Variants in ARHGEF4 observed in about 807,000 individuals in gnomAD.
The protein encoded by ARHGEF4 is APC-stimulated guanine nucleotide exchange factor 1.
ARHGEF4 carries 119 observed loss-of-function variants against 162.0 expected under a neutral mutation model. The observed-to-expected ratio is 0.73, with a 90% CI of 0.63 to 0.86. The LOEUF (loss-of-function observed/expected upper bound fraction) is 0.86. Among genes scored for constraint, ARHGEF4 ranks in the 40% least tolerant of loss-of-function variants. The pLI is 0.00. For synonymous variants in ARHGEF4, 1,014 were observed against 979.9 expected, an observed-to-expected ratio of 1.03 and a Z score of -0.65; for missense variants, 2,488 against 2,456.0, an observed-to-expected ratio of 1.01 and a Z score of -0.28.
At chr2:130,887,654 AAAC>A (rs1238732649) in intron 1 of ARHGEF4, among the ~76,000 whole-genome samples, 2 of 152,092 alleles carry the variant, frequency 1.3e-5, no homozygotes, top group South Asian at 4.1e-4. Context: ...TGGTTTCTGA[AAAC>A]AACAACAAAA....
At chr2:131,032,836 C>CTTTTCTTTTCTTTTCTT (rs1379351059) in intron 5 of ARHGEF4, among the ~76,000 whole-genome samples, 2 of 142,592 alleles carry the variant, frequency 1.4e-5, no homozygotes, top group African/African-American at 2.9e-5. Context: ...CTTTTCTTTT[C>CTTTTCTTTTCTTTTCTT]TTTTCTTTTT....
At chr2:131,001,875 T>A (rs1269862274) in intron 4 of ARHGEF4, among the ~76,000 whole-genome samples, 1 of 150,890 alleles carries the variant, frequency 6.6e-6, no homozygotes, top group African/African-American at 2.4e-5. Flanking sequence ...CAGAACAATT[T>A]AAGCACAGAG....
chr2:131,041,155 C>A lies in ARHGEF4; in HGVS notation c.4663-75C>A. 4.2e-6 allele frequency: 6 copies of A among 1,412,504 alleles called. No individual in the cohort carries two copies. The South Asian group carries it at 7.7e-5, about 18-fold the overall frequency. 87.5% of individuals were successfully genotyped at this position (1,412,504 alleles called of 1,614,324 possible). A position where few individuals can be genotyped will look rare whatever the true frequency, so the allele number is the denominator to read the frequency against. Reference sequence around the variant, plus strand: ...CCTGAAGGAAATGTAGAGGCTCTTGCCCTTCCCACACATGCAGCTGGATTG... The same window carrying A: ...CCTGAAGGAAATGTAGAGGCTCTTGACCTTCCCACACATGCAGCTGGATTG... On this transcript the variant is annotated intron_variant, in intron 8 of 13. Coordinates refer to ENST00000409359, the MANE Select transcript of ARHGEF4 (RefSeq NM_001367493.1).
chr2:131,014,537 A>C (rs886991421), intron 4 of ARHGEF4, among the ~76,000 whole-genome samples: 2 of 152,204 alleles, frequency 1.3e-5, no homozygotes, highest in Non-Finnish European at 2.9e-5. Flanking sequence ...TGAGCCCTCC[A>C]ATCCATGAAC....
intron 5 of ARHGEF4, among the ~76,000 whole-genome samples, chr2:131,030,612 G>T (rs1007060118): frequency 4.6e-5 from 7 of 152,240 alleles, no homozygotes; most frequent in Non-Finnish European, 8.8e-5. Context: ...TCCTGTCCCA[G>T]ATGGCATCCA....
In ARHGEF4 at chr2:130,915,787, G is replaced by A. The variant is rs986148048; in HGVS notation, c.1841G>A (p.Arg614Gln). 6 of 1,524,206 alleles carry A rather than the reference G, an allele frequency of 3.9e-6. No individual in the cohort carries two copies. In the African/African-American group the frequency reaches 8.3e-5, roughly 21 times the overall value. 94.4% of individuals were successfully genotyped at this position (1,524,206 alleles called of 1,614,324 possible). A position where few individuals can be genotyped will look rare whatever the true frequency, so the allele number is the denominator to read the frequency against. The change falls in exon 2 of 14, where the codon CGG (arginine) becomes CAG (glutamine). Residue 614 changes from arginine to glutamine, a missense_variant. Arg to Gln is a conservative substitution (Grantham distance 43). Transcript: ENST00000409359. ...CAGGGGCCTGGGGGTGCCGGGGGCC[G>A]GCAGCTGGAGCCCAAAGCAGGCGGC... ...GEQGPGGAGG[R>Q]QLEPKAGGEA... is the part of the protein sequence containing the mutation.
At chr2:130,992,541 C>T (rs1687096247) in intron 4 of ARHGEF4, among the ~76,000 whole-genome samples, 1 of 151,980 alleles carries the variant, frequency 6.6e-6, no homozygotes, top group African/African-American at 2.4e-5. Flanking sequence ...AGACCACGAA[C>T]CGGGCGGGAA....
intron 1 of ARHGEF4, among the ~76,000 whole-genome samples, chr2:130,913,145 A>G (rs1033774064): frequency 6.6e-6 from 1 of 152,104 alleles, no homozygotes; most frequent in African/African-American, 2.4e-5. Context: ...TAATTTGTTT[A>G]TCTGAAACTC....
chr2:130,938,791 A>G (rs1683113685), intron 3 of ARHGEF4, among the ~76,000 whole-genome samples: 1 of 152,162 alleles, frequency 6.6e-6, no homozygotes, highest in South Asian at 2.1e-4. Context: ...TGCTTTTGGC[A>G]TCATGTCTAA....
chr2:131,046,788 T>C lies in ARHGEF4; in HGVS notation c.*599T>C, dbSNP rs1477433699. On this transcript the variant is annotated 3_prime_UTR_variant, in exon 14 of 14. Coordinates refer to ENST00000409359, the MANE Select transcript of ARHGEF4 (RefSeq NM_001367493.1). ...ACACCGCTGGCTGCTGGACACCCTC[T>C]TCACTTGTGTGTGTGTGTGTAGCGG... is the stretch of plus-strand genomic sequence containing the variant. 6.5e-6 allele frequency: 1 copy of C among 152,838 alleles called. No individual in the cohort carries two copies. The highest frequency in any genetic ancestry group is 1.5e-5 in the Non-Finnish European group (1 of 68,404). The allele number at this position is 152,838 out of a possible 1,614,324, so 9.5% of individuals were successfully genotyped here.
intron 1 of ARHGEF4, among the ~76,000 whole-genome samples, chr2:130,851,583 G>A (rs1229007544): frequency 1.3e-5 from 2 of 152,250 alleles, no homozygotes; most frequent in African/African-American, 4.8e-5. Context: ...AGGGTGGAGT[G>A]GACGGGCTGG....
Position 130,962,810 on chromosome 2 carries a change from G to A in ARHGEF4, c.3985+16175G>A, listed in dbSNP as rs563409486. Among the ~76,000 whole-genome samples the A allele has an allele frequency of 3.9e-5, 6 of 152,106 alleles. No homozygotes were observed. In the South Asian group the frequency reaches 6.2e-4, roughly 16 times the overall value. ...ATGATAATGCTGTGTACATGGGGTC[G>A]GGGCGGGGAGGGGGGCAGTAAGGGG... On this transcript the variant is annotated intron_variant, in intron 4 of 13. Coordinates refer to ENST00000409359, the MANE Select transcript of ARHGEF4 (RefSeq NM_001367493.1).
chr2:130,977,603 G>A (rs1359352551), intron 4 of ARHGEF4, among the ~76,000 whole-genome samples: 2 of 152,004 alleles, frequency 1.3e-5, no homozygotes, highest in Admixed American at 6.6e-5. Flanking sequence ...TGGTGCATAT[G>A]CGTTGCATAT....
intron 4 of ARHGEF4, among the ~76,000 whole-genome samples, chr2:130,966,699 G>T (rs559752744): frequency 2.0e-5 from 3 of 152,274 alleles, no homozygotes; most frequent in Admixed American, 6.5e-5. Flanking sequence ...GAATAGTCCT[G>T]ACTGCTCACA....
Position 131,012,098 on chromosome 2 carries a change from AGGAC to A in ARHGEF4, c.3986-15845_3986-15842del, listed in dbSNP as rs542721941. Among the ~76,000 whole-genome samples the A allele has an allele frequency of 1.2e-3, 178 of 152,292 alleles. 1 individual carries two copies. Among genetic ancestry groups the A allele is most frequent in the African/African-American group, 4.0e-3 (166 of 41,566 alleles). Reference sequence around the variant, plus strand: ...AATGCAGTTGTCTGCTACTGAGATCAGGACGCCTGTGGCTGAGCAGTTTTGGGTG... The same window carrying A: ...AATGCAGTTGTCTGCTACTGAGATCAGCCTGTGGCTGAGCAGTTTTGGGTG... On this transcript the variant is annotated intron_variant, in intron 4 of 13. Transcript: ENST00000409359.
Position 130,931,080 on chromosome 2 carries a change from C to T in ARHGEF4, c.3681C>T (p.Cys1227=). The T allele has an allele frequency of 6.2e-7, 1 of 1,614,218 alleles. No individual in the cohort carries two copies. Among genetic ancestry groups the T allele is most frequent in the Non-Finnish European group, 8.5e-7 (1 of 1,180,040 alleles). The change falls in exon 3 of 14, where the codon TGC becomes TGT. Residue 1227 remains cysteine, a synonymous_variant. Coordinates refer to ENST00000409359, the MANE Select transcript of ARHGEF4 (RefSeq NM_001367493.1). ...ACATGGTGACATGGGCCCTCCTCTG[C>T]ATCTCTGCAGAGACTGTGCGTGGGG... ...TTDMVTWALL[C]ISAETVRGEA... is the part of the protein sequence containing the mutation.
chr2:130,942,174 G>A (rs1402652003), intron 3 of ARHGEF4, among the ~76,000 whole-genome samples: 1 of 145,204 alleles, frequency 6.9e-6, no homozygotes, highest in Non-Finnish European at 1.5e-5. Flanking sequence ...TTTTGAGACG[G>A]AGTCTTGCTT....
intron 6 of ARHGEF4, chr2:131,039,511 T>G: frequency 9.7e-7 from 1 of 1,025,882 alleles, no homozygotes; most frequent in South Asian, 4.1e-5. Flanking sequence ...AGGTGCAGTC[T>G]CCAAAAGGCC....
chr2:131,024,329 G>C (rs942787647), intron 4 of ARHGEF4, among the ~76,000 whole-genome samples: 1 of 152,216 alleles, frequency 6.6e-6, no homozygotes, highest in African/African-American at 2.4e-5. Flanking sequence ...AGGTTGGAGT[G>C]CAGTGGAGCG....
Sources: gnomAD v4.1 joint callset for allele counts (sites outside exome capture counted in the v4.1 genomes callset) on GRCh38, gnomAD v4.1.1 for gene constraint, MANE v1.5 for transcripts, NCBI Gene and HGNC (gene_info 2026-07-23, HGNC 2026-07-21) for gene names.